The following RALGAPA1 variants were observed in gnomAD, a reference collection of about 807,000 sequenced individuals.
RALGAPA1 encodes ral GTPase-activating protein subunit alpha-1.
In RALGAPA1, 52 loss-of-function variants were observed where a neutral mutation model predicts 269.6. That is an observed-to-expected ratio of 0.19 (90% CI 0.15 to 0.24). The LOEUF (loss-of-function observed/expected upper bound fraction) is 0.24. Among genes scored for constraint, RALGAPA1 ranks in the 10% least tolerant of loss-of-function variants. RALGAPA1 has a pLI of 1.00. For synonymous variants in RALGAPA1, 817 were observed against 1,008.3 expected, an observed-to-expected ratio of 0.81 and a Z score of 3.60; for missense variants, 1,917 against 3,013.9, an observed-to-expected ratio of 0.64 and a Z score of 8.52.
At chr14:35,696,282 C>T (rs1348587299) in intron 17 of RALGAPA1, among the ~76,000 whole-genome samples, 3 of 152,082 alleles carry the variant, frequency 2.0e-5, no homozygotes, top group African/African-American at 7.2e-5. Flanking sequence ...GATGTGGTGG[C>T]ACGTGCCTAT....
chr14:35,761,473 AATT>A (rs1381724207), intron 5 of RALGAPA1, among the ~76,000 whole-genome samples: 1 of 152,134 alleles, frequency 6.6e-6, no homozygotes, highest in African/African-American at 2.4e-5. Context: ...AAATTATTAA[AATT>A]ATTAAGTTAC....
intron 3 of RALGAPA1, 32 bp from the exon 4 acceptor site, chr14:35,771,031 A>G: frequency 1.0e-6 from 1 of 983,378 alleles, no homozygotes; most frequent in Non-Finnish European, 1.5e-6. Flanking sequence ...AAAAAAGAAA[A>G]GAATAAAACC....
intron 16 of RALGAPA1, among the ~76,000 whole-genome samples, chr14:35,702,039 C>T (rs2067397927): frequency 1.3e-5 from 2 of 152,158 alleles, no homozygotes; most frequent in Admixed American, 6.5e-5. Context: ...TTTTGCAAAA[C>T]TTACAATCTA....
chr14:35,626,974 G>T, intron 34 of RALGAPA1, 116 bp downstream of exon 34: 4 of 1,028,124 alleles, frequency 3.9e-6, no homozygotes, highest in South Asian at 2.7e-5. Context: ...ATGAGTCAAA[G>T]AACTAATTGG....
At chr14:35,665,225 T>C (rs2063833225) in intron 26 of RALGAPA1, among the ~76,000 whole-genome samples, 1 of 152,214 alleles carries the variant, frequency 6.6e-6, no homozygotes, top group Non-Finnish European at 1.5e-5. Context: ...TTTTATGATA[T>C]TATGCACATA....
Position 35,634,674 on chromosome 14 carries a change from T to G in RALGAPA1, c.5895A>C (p.Val1965=), listed in dbSNP as rs754428228. ...CCAAATGCATAAAAGGATCATAATC[T>G]ACAGATGCCAAATCAGAGAGGCTCA... ...FPMSLSDLAS[V]DYDPFMHLES... Residue 1965 remains valine, a synonymous_variant, in exon 33 of 42, where the codon GTA becomes GTC. Transcript: ENST00000680220. The G allele has an allele frequency of 1.2e-6, 2 of 1,613,558 alleles. No homozygotes were observed. Among genetic ancestry groups the G allele is most frequent in the East Asian group, 2.2e-5 (1 of 44,878 alleles).
intron 35 of RALGAPA1, among the ~76,000 whole-genome samples, chr14:35,623,502 GA>G (rs969764758): frequency 6.6e-6 from 1 of 150,598 alleles, no homozygotes; most frequent in African/African-American, 2.4e-5. Flanking sequence ...TAGCAGAAGA[GA>G]AAAAAAAATT....
chr14:35,753,181 A>T (rs116361413), intron 7 of RALGAPA1, among the ~76,000 whole-genome samples: 3,325 of 152,300 alleles, frequency 0.022, 123 homozygotes, highest in African/African-American at 0.075. Flanking sequence ...AATGACGGAA[A>T]CAATTCAAAG....
intron 35 of RALGAPA1, among the ~76,000 whole-genome samples, chr14:35,617,225 T>C (rs1202514063): frequency 1.3e-5 from 2 of 152,160 alleles, no homozygotes; most frequent in Non-Finnish European, 2.9e-5. Flanking sequence ...TTCACACCTG[T>C]AATCCCAGCA....
chr14:35,748,674 C>T lies in RALGAPA1; in HGVS notation c.1162G>A (p.Glu388Lys), dbSNP rs755569920. Residue 388 changes from glutamate to lysine, a missense_variant, in exon 10 of 42, where the codon GAA becomes AAA. By Grantham distance (56) the Glu-to-Lys change is moderately conservative. Coordinates refer to ENST00000680220, the MANE Select transcript of RALGAPA1 (RefSeq NM_001346249.2). ...ATTTCAATGTCTGTGAGATGTTCTTCATCAATACTACAGAGACTAGATGAG... is the reference window on the plus strand; with the variant it reads ...ATTTCAATGTCTGTGAGATGTTCTTTATCAATACTACAGAGACTAGATGAG... Reference protein sequence around the residue: ...PSSSSLCSIDEEHLTDIEIVR... With the variant: ...PSSSSLCSIDKEHLTDIEIVR... 6.2e-7 allele frequency: 1 copy of T among 1,613,168 alleles called. No homozygotes were observed. Among genetic ancestry groups the T allele is most frequent in the Non-Finnish European group, 8.5e-7 (1 of 1,179,686 alleles).
At chr14:35,682,086 A>G (rs1482773992) in intron 21 of RALGAPA1, among the ~76,000 whole-genome samples, 1 of 152,152 alleles carries the variant, frequency 6.6e-6, no homozygotes, top group Non-Finnish European at 1.5e-5. Flanking sequence ...TTTGTTTTCA[A>G]TTTTTAACTA....
At chr14:35,618,813 T>C (rs1046235508) in intron 35 of RALGAPA1, among the ~76,000 whole-genome samples, 2 of 152,070 alleles carry the variant, frequency 1.3e-5, no homozygotes, top group Admixed American at 6.6e-5. Context: ...AAAAATCCTA[T>C]TCAGAATATC....
chr14:35,758,720 A>C lies in RALGAPA1; in HGVS notation c.548-1812T>G, dbSNP rs538518781. On this transcript the variant is annotated intron_variant, in intron 6 of 41. Coordinates refer to ENST00000680220, the MANE Select transcript of RALGAPA1 (RefSeq NM_001346249.2). ...CACCTGTGAATAGCCACTGCACTCTAATCTGGGCAACATAGCTTTGAGACC... is the reference window on the plus strand; with the variant it reads ...CACCTGTGAATAGCCACTGCACTCTCATCTGGGCAACATAGCTTTGAGACC... 2.6e-5 allele frequency among the ~76,000 whole-genome samples: 4 copies of C among 152,242 alleles called. No individual in the cohort carries two copies. The South Asian group carries it at 8.3e-4, about 32-fold the overall frequency.
chr14:35,694,411 T>A (rs1289041046), intron 17 of RALGAPA1, among the ~76,000 whole-genome samples: 1 of 152,174 alleles, frequency 6.6e-6, no homozygotes, highest in Admixed American at 6.5e-5. Flanking sequence ...GGCAATGTAC[T>A]TCAAGGTAAG....
intron 21 of RALGAPA1, among the ~76,000 whole-genome samples, chr14:35,680,298 C>G (rs890668594): frequency 6.6e-6 from 1 of 152,148 alleles, no homozygotes; most frequent in African/African-American, 2.4e-5. Context: ...ACCTCTGCCT[C>G]CTGGGTTCAA....
In RALGAPA1 at chr14:35,775,020, G is replaced by T; in HGVS notation, c.253C>A (p.Leu85Ile). The T allele has an allele frequency of 6.4e-7, 1 of 1,573,196 alleles. No individual in the cohort carries two copies. Among genetic ancestry groups the T allele is most frequent in the South Asian group, 1.2e-5 (1 of 86,276 alleles). The change falls in exon 3 of 42, where the codon CTT (leucine) becomes ATT (isoleucine). Residue 85 changes from leucine to isoleucine, a missense_variant. Transcript: ENST00000680220. ...GAAGCACTTACCTCAAAAATAAAAA[G>T]TATAGCATCCAATTCCTCTCTTTGA... is the stretch of plus-strand genomic sequence containing the variant. ...KSQREELDAI[L>I]FIFEKILQLL...
At chr14:35,605,029 T>C (rs540870799) in intron 36 of RALGAPA1, among the ~76,000 whole-genome samples, 37 of 152,270 alleles carry the variant, frequency 2.4e-4, no homozygotes, top group Non-Finnish European at 5.0e-4. Context: ...CAATATTTCT[T>C]GCTTTGCTGA....
At chr14:35,690,903 C>G (rs1164582711) in intron 17 of RALGAPA1, among the ~76,000 whole-genome samples, 1 of 151,934 alleles carries the variant, frequency 6.6e-6, no homozygotes, top group Non-Finnish European at 1.5e-5. Flanking sequence ...AACCCCATCT[C>G]TATTAAAAAC....
intron 41 of RALGAPA1, among the ~76,000 whole-genome samples, chr14:35,545,306 A>G (rs1007023667): frequency 6.6e-6 from 1 of 152,126 alleles, no homozygotes; most frequent in Non-Finnish European, 1.5e-5. Flanking sequence ...AATAGATCTG[A>G]CCATCATAAA....
Sources: allele counts gnomAD v4.1 joint callset (sites outside exome capture counted in the v4.1 genomes callset), GRCh38; gene constraint gnomAD v4.1.1; transcripts MANE v1.5; gene names NCBI Gene and HGNC (gene_info 2026-07-23, HGNC 2026-07-21).